Variants in PRKCB observed in about 807,000 individuals in gnomAD.
PRKCB encodes protein kinase C beta.
A neutral mutation model predicts 81.5 loss-of-function variants in PRKCB; 13 were observed. The ratio of observed to expected loss-of-function variants is 0.16; its 90% CI spans 0.10 to 0.25. The LOEUF (loss-of-function observed/expected upper bound fraction) is 0.25. PRKCB is among the 10% of genes least tolerant of loss of function. The probability of loss-of-function intolerance (pLI) is 1.00; values close to 1 mark genes in which losing one functional copy is unlikely to be tolerated. For missense variants in PRKCB, 509 were observed against 875.7 expected, an observed-to-expected ratio of 0.58 and a Z score of 5.29; for synonymous variants, 335 against 321.4, an observed-to-expected ratio of 1.04 and a Z score of -0.45.
intron 2 of PRKCB, among the ~76,000 whole-genome samples, chr16:23,964,703 C>T (rs1964465950): frequency 6.8e-6 from 1 of 146,374 alleles, no homozygotes; most frequent in Admixed American, 6.9e-5. Context: ...CAGTCTTGCT[C>T]TGTCTCCCAG....
chr16:24,062,564 C>A (rs1174198317), intron 5 of PRKCB, among the ~76,000 whole-genome samples: 1 of 152,180 alleles, frequency 6.6e-6, no homozygotes, highest in African/African-American at 2.4e-5. Context: ...GCCAAGTAGT[C>A]CCATTTTATA....
chr16:24,158,610 G>A (rs1391341700), intron 10 of PRKCB, among the ~76,000 whole-genome samples: 9 of 151,450 alleles, frequency 5.9e-5, no homozygotes, highest in Admixed American at 1.3e-4. Flanking sequence ...GTGTATGTGT[G>A]TGTGTGTGTA....
chr16:24,216,147 G>T lies in PRKCB; in HGVS notation c.*1331G>T, dbSNP rs1003973622. 50 of 985,382 alleles carry T rather than the reference G, an allele frequency of 5.1e-5. No homozygotes were observed. The African/African-American group carries it at 8.2e-4, about 16-fold the overall frequency. 61.0% of individuals were successfully genotyped at this position (985,382 alleles called of 1,614,324 possible). A position where few individuals can be genotyped will look rare whatever the true frequency, so the allele number is the denominator to read the frequency against. ...TCTTGGCCCCAGTGTTCAGCCACTCGGAGGGGCGGGGGCTGTGGCCCATTC... is the reference window on the plus strand; with the variant it reads ...TCTTGGCCCCAGTGTTCAGCCACTCTGAGGGGCGGGGGCTGTGGCCCATTC... On this transcript the variant is annotated 3_prime_UTR_variant, in exon 17 of 17. Transcript: ENST00000643927.
intron 2 of PRKCB, among the ~76,000 whole-genome samples, chr16:23,942,548 TTTTGTCTACTTTTCTAAG>T (rs1164879203): frequency 6.6e-6 from 1 of 152,158 alleles, no homozygotes. Flanking sequence ...CAAATTTTAT[TTTTGTCTACTTTTCTAAG>T]TTTGTTTACT....
intron 11 of PRKCB, among the ~76,000 whole-genome samples, chr16:24,173,674 C>T (rs1304650092): frequency 6.6e-6 from 1 of 152,224 alleles, no homozygotes; most frequent in Non-Finnish European, 1.5e-5. Flanking sequence ...CCCTGCCCAA[C>T]CTTTGTGGCA....
chr16:24,219,241 G>GTTTGT lies in PRKCB; in HGVS notation c.*4428_*4429insGTTTT. 13 of 794,200 alleles carry GTTTGT rather than the reference G, an allele frequency of 1.6e-5. No individual in the cohort carries two copies. The highest frequency in any genetic ancestry group is 1.9e-5 in the Non-Finnish European group (13 of 693,084). 49.2% of individuals were successfully genotyped at this position (794,200 alleles called of 1,614,324 possible). A position where few individuals can be genotyped will look rare whatever the true frequency, so the allele number is the denominator to read the frequency against. ...TACTAGGAGAATCGAGTTGCTTTGA[G>GTTTGT]TTTCTTTTGTTTTGTTTTGTTTTGT... On this transcript the variant is annotated 3_prime_UTR_variant, in exon 17 of 17. Transcript: ENST00000643927.
intron 9 of PRKCB, among the ~76,000 whole-genome samples, chr16:24,132,510 T>C (rs928340457): frequency 2.8e-4 from 42 of 152,160 alleles, no homozygotes; most frequent in African/African-American, 9.2e-4. Flanking sequence ...ATGAAACTTA[T>C]ATTCTAGTGG....
chr16:23,988,372 A>C, intron 2 of PRKCB, 136 bp from the exon 3 acceptor site: 2 of 650,356 alleles, frequency 3.1e-6, no homozygotes, highest in Non-Finnish European at 5.3e-6. Flanking sequence ...AGAAGCTGAC[A>C]TTATTGTTTA....
intron 16 of PRKCB, among the ~76,000 whole-genome samples, chr16:24,193,608 C>T (rs1967832878): frequency 6.6e-6 from 1 of 152,108 alleles, no homozygotes; most frequent in African/African-American, 2.4e-5. Context: ...AGCCACTGCA[C>T]CCAGCCAAGA....
intron 2 of PRKCB, among the ~76,000 whole-genome samples, chr16:23,984,170 C>G (rs1219611236): frequency 6.6e-6 from 1 of 152,096 alleles, no homozygotes; most frequent in Non-Finnish European, 1.5e-5. Context: ...GCAGTCAATT[C>G]AAGAAGCTTT....
At chr16:24,081,480 C>T (rs1966248437) in intron 5 of PRKCB, among the ~76,000 whole-genome samples, 1 of 152,152 alleles carries the variant, frequency 6.6e-6, no homozygotes, top group East Asian at 1.9e-4. Context: ...AAACTGCATG[C>T]TTTCTCATTA....
At chr16:23,947,393 A>T (rs939924220) in intron 2 of PRKCB, among the ~76,000 whole-genome samples, 1 of 152,096 alleles carries the variant, frequency 6.6e-6, no homozygotes, top group African/African-American at 2.4e-5. Context: ...TCCTCTCCTC[A>T]TTCTCCTTGA....
At chr16:24,034,519 G>T (rs534566523) in intron 4 of PRKCB, among the ~76,000 whole-genome samples, 4 of 152,352 alleles carry the variant, frequency 2.6e-5, no homozygotes, top group East Asian at 3.9e-4. Flanking sequence ...GGAGGAGTGC[G>T]CAGAGGGAGT....
At chr16:23,971,694 C>T (rs117907270) in intron 2 of PRKCB, among the ~76,000 whole-genome samples, 74 of 152,278 alleles carry the variant, frequency 4.9e-4, no homozygotes, top group Middle Eastern at 3.4e-3. Flanking sequence ...GCCCCTGTTA[C>T]GTCATTTCAT....
intron 5 of PRKCB, among the ~76,000 whole-genome samples, chr16:24,066,689 A>T (rs1477512704): frequency 2.0e-5 from 3 of 152,072 alleles, no homozygotes; most frequent in African/African-American, 7.2e-5. Flanking sequence ...AAATTACATT[A>T]AGTTGTCATG....
At chr16:23,881,553 C>T (rs1963107451) in intron 2 of PRKCB, among the ~76,000 whole-genome samples, 1 of 152,110 alleles carries the variant, frequency 6.6e-6, no homozygotes, top group African/African-American at 2.4e-5. Context: ...CACCCTGGCC[C>T]ATTCCCGTTT....
intron 2 of PRKCB, among the ~76,000 whole-genome samples, chr16:23,912,507 C>CTTTTTTTTTTTTTTTTTTTTTT (rs1210105406): frequency 6.9e-5 from 5 of 72,078 alleles, no homozygotes; most frequent in African/African-American, 2.3e-4. Flanking sequence ...TTTCTTTCTT[C>CTTTTTTTTTTTTTTTTTTTTTT]TTTTTTTTTT....
chr16:23,935,198 C>T (rs1964041880), intron 2 of PRKCB, among the ~76,000 whole-genome samples: 1 of 152,156 alleles, frequency 6.6e-6, no homozygotes, highest in Admixed American at 6.5e-5. Flanking sequence ...AATGCCCTGC[C>T]TCTACCTCTG....
At chr16:23,841,933 G>A (rs1362008667) in intron 2 of PRKCB, among the ~76,000 whole-genome samples, 2 of 152,022 alleles carry the variant, frequency 1.3e-5, no homozygotes, top group Non-Finnish European at 2.9e-5. Flanking sequence ...TAGGATTACA[G>A]GTGTGAGCCA....
Sources: allele counts gnomAD v4.1 joint callset (sites outside exome capture counted in the v4.1 genomes callset), GRCh38; gene constraint gnomAD v4.1.1; transcripts MANE v1.5; gene names NCBI Gene and HGNC (gene_info 2026-07-23, HGNC 2026-07-21).